The following LSR variants were observed in gnomAD, a reference collection of about 807,000 sequenced individuals.
LSR encodes lipolysis-stimulated lipoprotein receptor.
In LSR, 44 loss-of-function variants were observed where a neutral mutation model predicts 61.8. The observed-to-expected ratio is 0.71, with a 90% CI of 0.56 to 0.91. The LOEUF is 0.91. Ranked by LOEUF, LSR falls within the 40% of genes least tolerant of loss-of-function variation. The pLI, the probability that LSR is intolerant of heterozygous loss-of-function variation, is 0.00. For synonymous variants in LSR, 397 were observed against 350.6 expected (o/e 1.13, Z -1.48); for missense variants, 911 against 830.5 (o/e 1.10, Z -1.19).
At position 35,266,369 on chromosome 19, in the gene LSR, C is replaced by T. The variant is rs369414669; in HGVS notation, c.789C>T (p.Ala263=). The T allele has an allele frequency of 3.8e-6, 6 of 1,585,498 alleles. No individual in the cohort carries two copies. The highest frequency in any genetic ancestry group is 2.2e-5 in the East Asian group (1 of 44,640). ...KCCCPEALYA[A]GKAATSGVPS... is the part of the protein sequence containing the mutation. ...ATTGTGTCCTCACAGTGTATGCCGC[C>T]GGCAAAGCAGCCACCTCAGGTGTTC... Residue 263 remains alanine (A), a synonymous_variant, in exon 6 of 10, where the codon GCC becomes GCT. Coordinates refer to ENST00000605618, the MANE Select transcript of LSR (RefSeq NM_205834.4).
intron 5 of LSR, among the ~76,000 whole-genome samples, chr19:35,265,776 C>T (rs955302001): frequency 6.6e-6 from 1 of 152,076 alleles, no homozygotes; most frequent in Non-Finnish European, 1.5e-5. Flanking sequence ...AAGTTAATTC[C>T]CGAGGCTCCT....
Position 35,250,641 on chromosome 19 carries a change from A to G in LSR, c.436A>G (p.Arg146Gly). The change falls in exon 2 of 10, where the codon AGG becomes GGG. Residue 146 changes from arginine to glycine, a missense_variant. Coordinates refer to ENST00000605618, the MANE Select transcript of LSR (RefSeq NM_205834.4). ...VTLGDYYQGR[R>G]ITITGNADLT... ...CCTGGGAGATTACTACCAGGGCCGGAGGATTACCATCACCGGAAGTATGTT... is the reference window on the plus strand; with the variant it reads ...CCTGGGAGATTACTACCAGGGCCGGGGGATTACCATCACCGGAAGTATGTT... The G allele has an allele frequency of 6.4e-7, 1 of 1,568,168 alleles. No homozygotes were observed.
intron 2 of LSR, among the ~76,000 whole-genome samples, chr19:35,256,318 CAATA>C (rs1339402398): frequency 2.6e-5 from 4 of 151,562 alleles, no homozygotes; most frequent in Admixed American, 2.0e-4. Context: ...GTTTAAATGA[CAATA>C]AAGTCATTAT....
rs199988546 is a variant in LSR, at chr19:35,266,825, C to G, written c.1013-11C>G. 36 of 1,606,996 alleles carry G rather than the reference C, an allele frequency of 2.2e-5. 1 individual carries two copies. In the South Asian group the frequency reaches 3.1e-4, roughly 14 times the overall value. On this transcript the variant is annotated splice_polypyrimidine_tract_variant and intron_variant, in intron 7 of 9. Transcript: ENST00000605618. ...ATCCTCCCAAACCGACCACCACCCC[C>G]CTGTCCCTAGAAGTCCGCAGTGGCT...
chr19:35,256,416 A>G (rs746940555), intron 2 of LSR, among the ~76,000 whole-genome samples: 32 of 152,220 alleles, frequency 2.1e-4, no homozygotes, highest in Non-Finnish European at 4.4e-5. Context: ...AGAAGGTGGC[A>G]TGGTTTTATT....
At chr19:35,266,566 A>T in intron 6 of LSR, 34 bp downstream of exon 6, 1 of 1,597,970 alleles carries the variant, frequency 6.3e-7, no homozygotes, top group East Asian at 2.2e-5. Flanking sequence ...AGCTGGTGGG[A>T]GTGTGCTGGG....
chr19:35,258,216 G>A (rs143631239), intron 2 of LSR, among the ~76,000 whole-genome samples: 1 of 152,144 alleles, frequency 6.6e-6, no homozygotes, highest in Non-Finnish European at 1.5e-5. Context: ...GGCTGAGGTG[G>A]GGGTGGATCA....
chr19:35,264,663 AGGTG>A (rs1008556061), intron 5 of LSR: 2 of 152,312 alleles, frequency 1.3e-5, no homozygotes, highest in African/African-American at 4.8e-5. Context: ...AAGCATGGGC[AGGTG>A]GAGAGCTGAG....
In LSR at chr19:35,249,069, C is replaced by G. The variant is rs928323393; in HGVS notation, c.47C>G (p.Pro16Arg). The G allele has an allele frequency of 6.4e-7, 1 of 1,566,832 alleles. No individual in the cohort carries two copies. Among genetic ancestry groups the G allele is most frequent in the East Asian group, 2.4e-5 (1 of 42,428 alleles). Residue 16 changes from proline (P) to arginine (R), a missense_variant, in exon 1 of 10, where the codon CCG (proline) becomes CGG (arginine). Physicochemically the swap from Pro to Arg is moderately radical, Grantham distance 103 (BLOSUM62 -2). Transcript: ENST00000605618. The stretch of plus-strand genomic sequence containing the variant: ...CTCTCCAGAGGGCTGGGCTCCCACC[C>G]GGCCGCCGCAGGCCGGGACGCGGTC... ...GGLSRGLGSH[P>R]AAAGRDAVVF...
chr19:35,249,174 A>G (rs1171268579), intron 1 of LSR, 43 bp downstream of exon 1: 32 of 1,515,574 alleles, frequency 2.1e-5, no homozygotes, highest in Non-Finnish European at 2.8e-5. Context: ...CGCCGGAGGG[A>G]ACTGTAGAGG....
In LSR at chr19:35,266,752, G is replaced by A. The variant is rs1599608623; in HGVS notation, c.1012+14G>A. On this transcript the variant is annotated intron_variant, in intron 7 of 9. Transcript: ENST00000605618. ...GTGTGGCCTCTGGTGAGAATCCATC[G>A]TCCCGAAGTTGGATGTGCCTGTAAG... 6 of 1,609,072 alleles carry A rather than the reference G, an allele frequency of 3.7e-6. No individual in the cohort carries two copies. Among genetic ancestry groups the A allele is most frequent in the East Asian group, 2.2e-5 (1 of 44,726 alleles).
intron 2 of LSR, among the ~76,000 whole-genome samples, chr19:35,257,374 T>C: frequency 6.6e-6 from 1 of 152,168 alleles, no homozygotes. Flanking sequence ...GGGGTGAGGC[T>C]GGCACGGTAG....
rs1297265768 is a variant in LSR, at chr19:35,262,067, C to T, written c.631+86C>T. On this transcript the variant is annotated intron_variant, in intron 4 of 9. Coordinates refer to ENST00000605618, the MANE Select transcript of LSR (RefSeq NM_205834.4). ...CTGACTCTAGTTAGTATCCCCTTCC[C>T]CACTAAACCCTGCTCACTGTGGACC... 2.4e-6 allele frequency: 3 copies of T among 1,242,924 alleles called. No homozygotes were observed. In the African/African-American group the frequency reaches 4.7e-5, roughly 20 times the overall value. The allele number at this position is 1,242,924 out of a possible 1,614,324, so 77.0% of individuals were successfully genotyped here.
At chr19:35,260,109 A>G (rs1261152191) in intron 3 of LSR, among the ~76,000 whole-genome samples, 1 of 152,206 alleles carries the variant, frequency 6.6e-6, no homozygotes, top group African/African-American at 2.4e-5. Context: ...CCAGTGACCC[A>G]GGAACCTCTG....
chr19:35,267,135 G>A lies in LSR; in HGVS notation c.1171G>A (p.Glu391Lys). Reference sequence around the variant, plus strand: ...CATGAGTGAAGTCACCTCCCTCCACGAGGACGACTGGCGATCTCGGCCTTC... The same window carrying A: ...CATGAGTGAAGTCACCTCCCTCCACAAGGACGACTGGCGATCTCGGCCTTC... The part of the protein sequence containing the change: ...RAMSEVTSLH[E>K]DDWRSRPSRG... The change falls in exon 9 of 10, where the codon GAG becomes AAG. Residue 391 changes from glutamate (E) to lysine (K), a missense_variant. By Grantham distance (56) the Glu-to-Lys change is moderately conservative (BLOSUM62 1). Transcript: ENST00000605618. 1.3e-6 allele frequency: 2 copies of A among 1,529,074 alleles called. No individual in the cohort carries two copies. The highest frequency in any genetic ancestry group is 1.8e-6 in the Non-Finnish European group (2 of 1,142,570). The allele number at this position is 1,529,074 out of a possible 1,614,324, so 94.7% of individuals were successfully genotyped here. A position where few individuals can be genotyped will look rare whatever the true frequency, so the allele number is the denominator to read the frequency against.
rs762086692 is a variant in LSR at position 35,267,282 on chromosome 19, C to T, written c.1318C>T (p.Arg440Trp). The T allele has an allele frequency of 1.5e-5, 22 of 1,511,622 alleles. No individual in the cohort carries two copies. The highest frequency in any genetic ancestry group is 2.1e-5 in the Admixed American group (1 of 46,746). 93.6% of individuals were successfully genotyped at this position (1,511,622 alleles called of 1,614,324 possible). The stretch of plus-strand genomic sequence containing the variant: ...GGCAGGCGGGGGCTGGCGGGCCAGG[C>T]GGCCCCGGGCCCGCTCCGTGGACGC... ...EQAGGGWRARRPRARSVDALD... is the reference protein window; with the variant it reads ...EQAGGGWRARWPRARSVDALD... Residue 440 changes from arginine (R) to tryptophan (W), a missense_variant, in exon 9 of 10, where the codon CGG becomes TGG. By Grantham distance (101) the Arg-to-Trp change is moderately radical. Coordinates refer to ENST00000605618, the MANE Select transcript of LSR (RefSeq NM_205834.4).
chr19:35,262,619 G>A lies in LSR; in HGVS notation c.705G>A (p.Gln235=). ...TCCTCCTGGGCATCTGCTGGTGCCAGTGCTGCCCGCACACTTGCTGCTGCT... is the reference window on the plus strand; with the variant it reads ...TCCTCCTGGGCATCTGCTGGTGCCAATGCTGCCCGCACACTTGCTGCTGCT... ...IFLLLGICWC[Q]CCPHTCCCYV... is the part of the protein sequence containing the mutation. Residue 235 remains glutamine (Q), a synonymous_variant, in exon 5 of 10, where the codon CAG becomes CAA. Coordinates refer to ENST00000605618, the MANE Select transcript of LSR (RefSeq NM_205834.4). 1.2e-6 allele frequency: 2 copies of A among 1,614,218 alleles called. No homozygotes were observed. The highest frequency in any genetic ancestry group is 1.7e-6 in the Non-Finnish European group (2 of 1,180,024).
In LSR at chr19:35,259,042, C is replaced by T. The variant is rs778987569; in HGVS notation, c.552C>T (p.Ala184=). ...SAQDLQGNNE[A]YAELIVLGRT... ...AGGACCTCCAGGGGAACAATGAGGCCTACGCAGAGCTCATCGTCCTTGGTG... is the reference window on the plus strand; with the variant it reads ...AGGACCTCCAGGGGAACAATGAGGCTTACGCAGAGCTCATCGTCCTTGGTG... Residue 184 remains alanine (A), a synonymous_variant, in exon 3 of 10, where the codon GCC becomes GCT. Coordinates refer to ENST00000605618, the MANE Select transcript of LSR (RefSeq NM_205834.4). The T allele has an allele frequency of 1.9e-6, 3 of 1,613,886 alleles. No individual in the cohort carries two copies. In the South Asian group the frequency reaches 3.3e-5, roughly 18 times the overall value.
intron 5 of LSR, among the ~76,000 whole-genome samples, chr19:35,265,095 T>C (rs2065979649): frequency 6.6e-6 from 1 of 152,190 alleles, no homozygotes; most frequent in African/African-American, 2.4e-5. Context: ...AAAGGATCAC[T>C]TCCCTGAAAA....
Sources: gnomAD v4.1 joint callset for allele counts (sites outside exome capture counted in the v4.1 genomes callset) on GRCh38, gnomAD v4.1.1 for gene constraint, MANE v1.5 for transcripts, NCBI Gene and HGNC (gene_info 2026-07-23, HGNC 2026-07-21) for gene names.